The following LCA5 variants were observed in gnomAD, a reference collection of about 807,000 sequenced individuals.
LCA5 encodes lebercilin.
LCA5 carries 37 observed loss-of-function variants against 53.0 expected under a neutral mutation model. That is an observed-to-expected ratio of 0.70 (90% CI 0.54 to 0.92). The LOEUF (loss-of-function observed/expected upper bound fraction) is 0.92, where lower values mean the gene tolerates loss of function less well. LCA5 is among the 40% of genes least tolerant of loss of function. The pLI is 0.00. For missense variants in LCA5, 806 were observed against 790.5 expected, an observed-to-expected ratio of 1.02 and a Z score of -0.23; for synonymous variants, 303 against 282.9, an observed-to-expected ratio of 1.07 and a Z score of -0.71.
intron 6 of LCA5, among the ~76,000 whole-genome samples, chr6:79,489,802 C>G (rs968950357): frequency 6.6e-6 from 1 of 152,016 alleles, no homozygotes; most frequent in African/African-American, 2.4e-5. Flanking sequence ...CCATTTTCAT[C>G]TTCTCCCTTT....
At chr6:79,499,173 AAAAAGATCCAGAAGG>A (rs1164021621) in intron 3 of LCA5, among the ~76,000 whole-genome samples, 2 of 152,178 alleles carry the variant, frequency 1.3e-5, no homozygotes, top group African/African-American at 4.8e-5. Context: ...AAATTCACAG[AAAAAGATCCAGAAGG>A]ATACATACTA....
chr6:79,504,858 T>A lies in LCA5; in HGVS notation c.720+8354A>T, dbSNP rs548258212. Among the ~76,000 whole-genome samples, 8 of 152,212 alleles carry A rather than the reference T, an allele frequency of 5.3e-5. No individual in the cohort carries two copies. In the East Asian group the frequency reaches 1.5e-3, roughly 29 times the overall value. ...TAAATATATGTATATAACATGATAA[T>A]ATGTAAAAAGTGCCAAAATATACTT... On this transcript the variant is annotated intron_variant, in intron 3 of 7. Transcript: ENST00000369846.
At position 79,489,162 on chromosome 6, in the gene LCA5, T is replaced by C. The variant is rs138931832; in HGVS notation, c.1153A>G (p.Ile385Val). The change falls in exon 7 of 8, where the codon ATT becomes GTT. Residue 385 changes from isoleucine to valine, a missense_variant. Physicochemically the swap from Ile to Val is conservative, Grantham distance 29. Transcript: ENST00000369846. ...ACAAATTTTTCTTCTCTTTCCATAA[T>C]TGGGTTTAGAATCCCTGCTTCTCCA... The part of the protein sequence containing the change: ...RHGEAGILNP[I>V]MEREEKFVTD... 1.2e-6 allele frequency: 2 copies of C among 1,613,020 alleles called. No homozygotes were observed. The highest frequency in any genetic ancestry group is 1.7e-6 in the Non-Finnish European group (2 of 1,179,686).
chr6:79,526,860 T>C (rs182986952), intron 1 of LCA5, among the ~76,000 whole-genome samples: 3 of 152,300 alleles, frequency 2.0e-5, no homozygotes, highest in Admixed American at 2.0e-4. Flanking sequence ...CCCTACAAGC[T>C]ATTATATGGG....
intron 5 of LCA5, among the ~76,000 whole-genome samples, 197 bp downstream of exon 5, chr6:79,492,354 C>T (rs893370643): frequency 2.6e-5 from 4 of 151,460 alleles, no homozygotes; most frequent in Non-Finnish European, 5.9e-5. Context: ...ATTTTAACAG[C>T]GTCACTTCAG....
chr6:79,518,449 AAG>A (rs1184348974), intron 2 of LCA5, among the ~76,000 whole-genome samples: 2 of 152,176 alleles, frequency 1.3e-5, no homozygotes, highest in Non-Finnish European at 2.9e-5. Context: ...ATTTAGGAAA[AAG>A]AAAAAACAAA....
intron 3 of LCA5, among the ~76,000 whole-genome samples, chr6:79,501,661 G>T (rs1327299916): frequency 6.6e-6 from 1 of 150,784 alleles, no homozygotes; most frequent in Non-Finnish European, 1.5e-5. Flanking sequence ...GTACAATATA[G>T]TTATATACTA....
At chr6:79,534,067 C>G (rs62413362) in intron 1 of LCA5, among the ~76,000 whole-genome samples, 25,971 of 142,072 alleles carry the variant, frequency 0.18, 2,842 homozygotes, top group African/African-American at 0.3. Flanking sequence ...AGCAGTTACA[C>G]TGTAACTGCT....
chr6:79,498,665 A>G (rs1473227932), intron 3 of LCA5, among the ~76,000 whole-genome samples: 1 of 152,162 alleles, frequency 6.6e-6, no homozygotes, highest in African/African-American at 2.4e-5. Flanking sequence ...GGTGACATGC[A>G]AGAAATAATG....
chr6:79,488,257 C>T (rs1769730036), intron 7 of LCA5: 1 of 165,406 alleles, frequency 6.0e-6, no homozygotes, highest in African/African-American at 2.4e-5. Flanking sequence ...GGTATTCTGA[C>T]AGAAGATGCA....
chr6:79,532,464 T>C (rs1766985896), intron 1 of LCA5, among the ~76,000 whole-genome samples: 1 of 152,180 alleles, frequency 6.6e-6, no homozygotes, highest in East Asian at 1.9e-4. Context: ...GCCTGCAAAC[T>C]TATACAAGGT....
chr6:79,503,940 A>G (rs1454581691), intron 3 of LCA5, among the ~76,000 whole-genome samples: 1 of 152,250 alleles, frequency 6.6e-6, no homozygotes, highest in East Asian at 1.9e-4. Flanking sequence ...ATAATTTGTA[A>G]CTCAACTAAG....
Position 79,513,411 on chromosome 6 carries a change from C to T in LCA5, c.521G>A (p.Arg174His), listed in dbSNP as rs144016257. Residue 174 changes from arginine to histidine, a missense_variant, in exon 3 of 8, where the codon CGC (arginine) becomes CAC (histidine). Physicochemically the swap from Arg to His is conservative, Grantham distance 29. Transcript: ENST00000369846. ...HNNEITALKERLRKSQEKERA... is the reference protein window; with the variant it reads ...HNNEITALKEHLRKSQEKERA... Reference sequence around the variant, plus strand: ...TTCTTTCTCTTGAGATTTTCTTAAGCGTTCTTTGAGTGCTGTAATCTCATT... The same window carrying T: ...TTCTTTCTCTTGAGATTTTCTTAAGTGTTCTTTGAGTGCTGTAATCTCATT... The T allele has an allele frequency of 1.5e-4, 236 of 1,613,648 alleles. No homozygotes were observed. The highest frequency in any genetic ancestry group is 2.3e-4 in the African/African-American group (17 of 74,854).
chr6:79,488,799 A>C (rs1769749758), intron 7 of LCA5: 1 of 520,020 alleles, frequency 1.9e-6, no homozygotes, highest in South Asian at 3.4e-5. Flanking sequence ...TAACTTTAGT[A>C]AGTGGCATCT....
At chr6:79,495,860 G>T (rs1769970099) in intron 3 of LCA5, among the ~76,000 whole-genome samples, 2 of 151,768 alleles carry the variant, frequency 1.3e-5, no homozygotes, top group Non-Finnish European at 2.9e-5. Flanking sequence ...GATATGGTGG[G>T]CCTACCGTGT....
At chr6:79,493,832 G>C in intron 3 of LCA5, 82 bp from the exon 4 acceptor site, 1 of 1,059,624 alleles carries the variant, frequency 9.4e-7, no homozygotes, top group African/African-American at 1.6e-5. Flanking sequence ...TCAAAATGAT[G>C]TTTTTAGTGG....
At chr6:79,514,504 T>A (rs557974759) in intron 2 of LCA5, among the ~76,000 whole-genome samples, 3 of 152,258 alleles carry the variant, frequency 2.0e-5, no homozygotes, top group African/African-American at 7.2e-5. Flanking sequence ...AGCAATTCCA[T>A]TACTGGGTAT....
intron 1 of LCA5, among the ~76,000 whole-genome samples, chr6:79,532,529 C>A (rs146478953): frequency 2.4e-4 from 37 of 152,284 alleles, no homozygotes; most frequent in African/African-American, 8.2e-4. Flanking sequence ...TCAAAATCTC[C>A]TTTTTCAGGC....
At chr6:79,510,514 C>G (rs1770384011) in intron 3 of LCA5, among the ~76,000 whole-genome samples, 1 of 152,006 alleles carries the variant, frequency 6.6e-6, no homozygotes, top group Admixed American at 6.6e-5. Context: ...GACAAACAGG[C>G]AAAGACAATA....
Sources: gnomAD v4.1 joint callset for allele counts (sites outside exome capture counted in the v4.1 genomes callset) on GRCh38, gnomAD v4.1.1 for gene constraint, MANE v1.5 for transcripts, NCBI Gene and HGNC (gene_info 2026-07-23, HGNC 2026-07-21) for gene names.